PARD3: variants seen among roughly 807,000 people sequenced by gnomAD.
PARD3 encodes partitioning defective 3 homolog.
Under a neutral mutation model 155.4 loss-of-function variants are expected in PARD3, and 75 were observed. The observed-to-expected ratio is 0.48, with a 90% CI of 0.40 to 0.58. The LOEUF (loss-of-function observed/expected upper bound fraction) is 0.58, where lower values mean the gene tolerates loss of function less well. Among genes scored for constraint, PARD3 ranks in the 20% least tolerant of loss-of-function variants. The probability of loss-of-function intolerance (pLI) is 0.00; values close to 1 mark genes in which losing one functional copy is unlikely to be tolerated. For missense variants in PARD3, 1,642 were observed against 1,721.7 expected (o/e 0.95, Z 0.82); for synonymous variants, 576 against 610.5 (o/e 0.94, Z 0.83).
At chr10:34,509,426 G>A (rs1205550200) in intron 3 of PARD3, among the ~76,000 whole-genome samples, 1 of 152,134 alleles carries the variant, frequency 6.6e-6, no homozygotes. Flanking sequence ...ATGTCCATGA[G>A]GCAGTGTCCA....
At chr10:34,555,468 C>T (rs961212972) in intron 2 of PARD3, among the ~76,000 whole-genome samples, 6 of 151,732 alleles carry the variant, frequency 4.0e-5, no homozygotes, top group Non-Finnish European at 8.8e-5. Context: ...AAAATGGTCT[C>T]CTAGGAAAAT....
chr10:34,249,059 A>T (rs1185262517), intron 22 of PARD3, among the ~76,000 whole-genome samples: 1 of 152,008 alleles, frequency 6.6e-6, no homozygotes, highest in East Asian at 1.9e-4. Flanking sequence ...ACAGAAATCT[A>T]GTGGTAAGGG....
At chr10:34,642,664 A>T (rs928734798) in intron 2 of PARD3, among the ~76,000 whole-genome samples, 1 of 151,128 alleles carries the variant, frequency 6.6e-6, no homozygotes, top group Non-Finnish European at 1.5e-5. Context: ...CCCATGATAA[A>T]CCCTGAGGAC....
chr10:34,206,582 T>C (rs1382592281), intron 22 of PARD3, among the ~76,000 whole-genome samples: 3 of 152,206 alleles, frequency 2.0e-5, no homozygotes, highest in Non-Finnish European at 4.4e-5. Flanking sequence ...TGCATCTCCC[T>C]GACTGCTCCT....
In PARD3 at chr10:34,683,359, T is replaced by C. The variant is rs867092887; in HGVS notation, c.222+12959A>G. Among the ~76,000 whole-genome samples, 8 of 151,940 alleles carry C rather than the reference T, an allele frequency of 5.3e-5. No individual in the cohort carries two copies. The South Asian group carries it at 1.0e-3, about 20-fold the overall frequency. Reference sequence around the variant, plus strand: ...CATCACCCAATATACCTATGTAATATAACTACACATGTATCTCCTGAATCT... The same window carrying C: ...CATCACCCAATATACCTATGTAATACAACTACACATGTATCTCCTGAATCT... On this transcript the variant is annotated intron_variant, in intron 2 of 24. Coordinates refer to ENST00000374788, the MANE Select transcript of PARD3 (RefSeq NM_001184785.2).
chr10:34,773,442 T>C (rs932709413), intron 1 of PARD3, among the ~76,000 whole-genome samples: 4 of 152,214 alleles, frequency 2.6e-5, no homozygotes, highest in African/African-American at 4.8e-5. Context: ...GGACTGAATA[T>C]CCTTACCCAT....
chr10:34,530,938 G>A (rs930341880), intron 2 of PARD3, among the ~76,000 whole-genome samples: 5 of 152,320 alleles, frequency 3.3e-5, no homozygotes, highest in East Asian at 1.9e-4. Context: ...AACTTTAAAA[G>A]GCGACAGTCC....
At chr10:34,371,874 C>T (rs1455221628) in intron 12 of PARD3, among the ~76,000 whole-genome samples, 2 of 151,978 alleles carry the variant, frequency 1.3e-5, no homozygotes, top group South Asian at 2.1e-4. Context: ...TAGAGCAATC[C>T]TTCCTTTTAT....
intron 23 of PARD3, among the ~76,000 whole-genome samples, chr10:34,119,969 T>G (rs922372593): frequency 1.3e-5 from 2 of 151,278 alleles, no homozygotes; most frequent in African/African-American, 4.9e-5. Flanking sequence ...GCATGTGGTT[T>G]AAATTGAAGA....
intron 23 of PARD3, among the ~76,000 whole-genome samples, chr10:34,124,022 CT>C (rs1947146724): frequency 6.6e-6 from 1 of 152,132 alleles, no homozygotes; most frequent in Non-Finnish European, 1.5e-5. Flanking sequence ...TAATCTATCA[CT>C]TTTCTTCTTA....
At chr10:34,245,978 T>A (rs899822120) in intron 22 of PARD3, among the ~76,000 whole-genome samples, 3 of 152,000 alleles carry the variant, frequency 2.0e-5, no homozygotes, top group Non-Finnish European at 2.9e-5. Flanking sequence ...CACGTGAGAA[T>A]CACAACAGGG....
intron 2 of PARD3, among the ~76,000 whole-genome samples, chr10:34,592,648 C>T (rs1434342822): frequency 6.6e-6 from 1 of 152,146 alleles, no homozygotes; most frequent in Non-Finnish European, 1.5e-5. Flanking sequence ...TGGTGGCACA[C>T]ACCTGTAGTC....
chr10:34,352,396 GC>G (rs1329414863), intron 14 of PARD3, among the ~76,000 whole-genome samples: 1 of 152,246 alleles, frequency 6.6e-6, no homozygotes, highest in South Asian at 2.1e-4. Flanking sequence ...CTGATGCCGA[GC>G]CGAGGCTGGA....
At chr10:34,808,393 A>C (rs546240567) in intron 1 of PARD3, among the ~76,000 whole-genome samples, 10 of 152,316 alleles carry the variant, frequency 6.6e-5, no homozygotes, top group African/African-American at 2.4e-4. Flanking sequence ...TACTTTATTC[A>C]CTGAACTCGG....
intron 15 of PARD3, chr10:34,343,703 T>C: frequency 1.0e-6 from 1 of 984,666 alleles, no homozygotes; most frequent in Non-Finnish European, 1.2e-6. Flanking sequence ...CTTAATTATG[T>C]TTGCTAGTAG....
At chr10:34,512,118 T>C (rs983724433) in intron 3 of PARD3, among the ~76,000 whole-genome samples, 1 of 152,236 alleles carries the variant, frequency 6.6e-6, no homozygotes, top group South Asian at 2.1e-4. Flanking sequence ...AGATCCATTA[T>C]GTCATCAGAA....
intron 1 of PARD3, among the ~76,000 whole-genome samples, chr10:34,748,960 T>C (rs1322231909): frequency 6.6e-6 from 1 of 152,230 alleles, no homozygotes; most frequent in Non-Finnish European, 1.5e-5. Context: ...ACAGTGGATG[T>C]TATCTTCCTT....
At chr10:34,267,620 A>G (rs1955387854) in intron 22 of PARD3, among the ~76,000 whole-genome samples, 1 of 152,210 alleles carries the variant, frequency 6.6e-6, no homozygotes, top group African/African-American at 2.4e-5. Context: ...CCTAAGAGTT[A>G]CCTGTTGCAT....
intron 2 of PARD3, among the ~76,000 whole-genome samples, chr10:34,673,760 T>C (rs908750892): frequency 6.6e-6 from 1 of 151,728 alleles, no homozygotes; most frequent in Non-Finnish European, 1.5e-5. Context: ...GAAGAAAAGA[T>C]ATCGAGACAG....
Sources: allele counts gnomAD v4.1 joint callset (sites outside exome capture counted in the v4.1 genomes callset), GRCh38; gene constraint gnomAD v4.1.1; transcripts MANE v1.5; gene names NCBI Gene and HGNC (gene_info 2026-07-23, HGNC 2026-07-21).